MAP3K4: variants seen among roughly 807,000 people sequenced by gnomAD.
The protein encoded by MAP3K4 is MAP three kinase 1.
MAP3K4 carries 67 observed loss-of-function variants against 185.6 expected under a neutral mutation model. That is an observed-to-expected ratio of 0.36 (90% CI 0.30 to 0.44). The LOEUF is 0.44. MAP3K4 is among the 20% of genes least tolerant of loss of function. The pLI, the probability that MAP3K4 is intolerant of heterozygous loss-of-function variation, is 1.00. For synonymous variants in MAP3K4, 702 were observed against 710.4 expected, an observed-to-expected ratio of 0.99 and a Z score of 0.19; for missense variants, 1,551 against 1,995.1, an observed-to-expected ratio of 0.78 and a Z score of 4.24.
In MAP3K4 at chr6:161,084,129, A is replaced by G. The variant is rs1583211297; in HGVS notation, c.2256-372A>G. ...AAAGCTAATTGTGGGGGAAATTTGT[A>G]AAAACAGTTGAATTTAAGGAATTCC... On this transcript the variant is annotated intron_variant, in intron 6 of 26. Coordinates refer to ENST00000392142, the MANE Select transcript of MAP3K4 (RefSeq NM_005922.4). This position sits in a 1 kb window ranked among gnomAD's most constrained non-coding sequence, Gnocchi z 4.6. Among the ~76,000 whole-genome samples the G allele has an allele frequency of 6.6e-6, 1 of 152,350 alleles. No homozygotes were observed. Among genetic ancestry groups the G allele is most frequent in the East Asian group, 1.9e-4 (1 of 5,184 alleles).
At chr6:161,058,416 C>T (rs1784336322) in intron 3 of MAP3K4, among the ~76,000 whole-genome samples, 1 of 152,134 alleles carries the variant, frequency 6.6e-6, no homozygotes, top group African/African-American at 2.4e-5. Flanking sequence ...CTTACTGGGC[C>T]TGTGTAGAAA....
At position 161,108,645 on chromosome 6, in the gene MAP3K4, C is replaced by A. The variant is rs553721429; in HGVS notation, c.4120-98C>A. 6.0e-5 allele frequency: 44 copies of A among 736,378 alleles called. No individual in the cohort carries two copies. The East Asian group carries it at 1.0e-3, about 18-fold the overall frequency. 45.6% of individuals were successfully genotyped at this position (736,378 alleles called of 1,614,324 possible). On this transcript the variant is annotated intron_variant, in intron 21 of 26. Coordinates refer to ENST00000392142, the MANE Select transcript of MAP3K4 (RefSeq NM_005922.4). This position sits in a 1 kb window ranked among gnomAD's most constrained non-coding sequence, Gnocchi z 5.7. ...GTTTTTAATTGACAAATCATGATTACATATATTTATGGGGTGCAAAATGAT... is the reference window on the plus strand; with the variant it reads ...GTTTTTAATTGACAAATCATGATTAAATATATTTATGGGGTGCAAAATGAT...
intron 1 of MAP3K4, among the ~76,000 whole-genome samples, chr6:161,029,463 G>A (rs1782821338): frequency 6.6e-6 from 1 of 152,114 alleles, no homozygotes. Context: ...ACTCCCTTGG[G>A]TTGAGTTCAA....
At chr6:161,039,872 T>C (rs888440667) in intron 2 of MAP3K4, among the ~76,000 whole-genome samples, 12 of 152,180 alleles carry the variant, frequency 7.9e-5, no homozygotes, top group African/African-American at 2.9e-4. Context: ...AAGTAAGGTA[T>C]TGTTTGGATC....
intron 2 of MAP3K4, among the ~76,000 whole-genome samples, chr6:161,045,407 C>T (rs1228775071): frequency 1.3e-5 from 2 of 152,124 alleles, no homozygotes; most frequent in Non-Finnish European, 2.9e-5. Flanking sequence ...TGTATTTAAC[C>T]TATAAAAGTT....
In MAP3K4 at chr6:161,053,255, G is replaced by C. The variant is rs566142867; in HGVS notation, c.1707+3276G>C. Reference sequence around the variant, plus strand: ...ATTCTTTTAAACAACCAGATCTCTTGACAGCTCACTCACCATCATGAGAAC... The same window carrying C: ...ATTCTTTTAAACAACCAGATCTCTTCACAGCTCACTCACCATCATGAGAAC... On this transcript the variant is annotated intron_variant, in intron 3 of 26. Transcript: ENST00000392142. This position sits in a 1 kb window ranked among gnomAD's most constrained non-coding sequence, Gnocchi z 4.2. Among the ~76,000 whole-genome samples, 1 of 152,142 alleles carries C rather than the reference G, an allele frequency of 6.6e-6. No individual in the cohort carries two copies. Among genetic ancestry groups the C allele is most frequent in the East Asian group, 1.9e-4 (1 of 5,170 alleles).
rs1010746941 is a variant in MAP3K4, at chr6:161,108,287, T to G, written c.4119+318T>G. 6.6e-6 allele frequency among the ~76,000 whole-genome samples: 1 copy of G among 152,100 alleles called. No individual in the cohort carries two copies. Among genetic ancestry groups the G allele is most frequent in the African/African-American group, 2.4e-5 (1 of 41,430 alleles). On this transcript the variant is annotated intron_variant, in intron 21 of 26. Transcript: ENST00000392142. The surrounding 1 kb of genome is among the most constrained non-coding windows in gnomAD (Gnocchi z 5.7). ...ACAGTAGTGTCTTATGGGGACACAT[T>G]GGGGGAGAAGATAACATTTATGATA...
At chr6:161,052,450 A>G (rs1228229112) in intron 3 of MAP3K4, among the ~76,000 whole-genome samples, 3 of 152,192 alleles carry the variant, frequency 2.0e-5, no homozygotes, top group African/African-American at 7.2e-5. Flanking sequence ...TTTATAAGGT[A>G]TATAACTGAA....
intron 3 of MAP3K4, among the ~76,000 whole-genome samples, chr6:161,065,937 CA>C (rs34648628): frequency 0.043 from 3,415 of 78,778 alleles, 111 homozygotes; most frequent in African/African-American, 0.15. Context: ...GACTCCGTCT[CA>C]AAAAAAAAAA....
intron 1 of MAP3K4, among the ~76,000 whole-genome samples, chr6:160,993,035 A>T (rs539143106): frequency 1.3e-5 from 2 of 152,354 alleles, no homozygotes; most frequent in South Asian, 2.1e-4. Flanking sequence ...ATAAGGCAGT[A>T]AAGTGTCCTC....
At chr6:161,027,182 TAA>T (rs1189690168) in intron 1 of MAP3K4, among the ~76,000 whole-genome samples, 4 of 152,218 alleles carry the variant, frequency 2.6e-5, no homozygotes, top group Admixed American at 1.3e-4. Context: ...TGCGGATAGC[TAA>T]TAGTCTACTC....
At chr6:161,069,937 G>A (rs1004477417) in intron 3 of MAP3K4, among the ~76,000 whole-genome samples, 2 of 152,064 alleles carry the variant, frequency 1.3e-5, no homozygotes, top group African/African-American at 4.8e-5. Flanking sequence ...CCTACTTTAT[G>A]GGGAAAGGTG....
chr6:161,021,736 G>A (rs1386931824), intron 1 of MAP3K4, among the ~76,000 whole-genome samples: 2 of 152,222 alleles, frequency 1.3e-5, no homozygotes, highest in Admixed American at 1.3e-4. Context: ...GGCAGGAACA[G>A]TAATGTGTTT....
At position 161,077,876 on chromosome 6, in the gene MAP3K4, T is replaced by A. The variant is rs75702917; in HGVS notation, c.2098-3005T>A. Among the ~76,000 whole-genome samples, 8,163 of 151,938 alleles carry A rather than the reference T, an allele frequency of 0.054. 347 individuals carry two copies. The highest frequency in any genetic ancestry group is 0.23 in the East Asian group (1,183 of 5,138). ...CTAAGGGAAAGAGATGGGAAAAAAA[T>A]ATATATATGTATTAATATGTATATA... On this transcript the variant is annotated intron_variant, in intron 5 of 26. Transcript: ENST00000392142. The surrounding 1 kb of genome is among the most constrained non-coding windows in gnomAD (Gnocchi z 4.3).
intron 5 of MAP3K4, among the ~76,000 whole-genome samples, chr6:161,078,244 T>C (rs1403360062): frequency 1.3e-5 from 2 of 152,144 alleles, no homozygotes; most frequent in Non-Finnish European, 2.9e-5. Flanking sequence ...GGCTGGTGAT[T>C]ATGACTAGTC....
rs1314569434 is a variant in MAP3K4, at chr6:161,073,799, G to C, written c.2097+187G>C. Among the ~76,000 whole-genome samples, 1 of 152,096 alleles carries C rather than the reference G, an allele frequency of 6.6e-6. No individual in the cohort carries two copies. Among genetic ancestry groups the C allele is most frequent in the Non-Finnish European group, 1.5e-5 (1 of 68,004 alleles). The stretch of plus-strand genomic sequence containing the variant: ...GTGTGTATTGCGGAGGGCGGTGGTG[G>C]TGATCTTGAATCAGAGTCTTTCCAT... On this transcript the variant is annotated intron_variant, in intron 5 of 26. Transcript: ENST00000392142. This position sits in a 1 kb window ranked among gnomAD's most constrained non-coding sequence, Gnocchi z 4.2.
chr6:161,085,671 A>G (rs895280214), intron 7 of MAP3K4, among the ~76,000 whole-genome samples: 1 of 152,238 alleles, frequency 6.6e-6, no homozygotes, highest in African/African-American at 2.4e-5. Flanking sequence ...AAAATATTGA[A>G]TAGCTGAGAA....
At chr6:161,089,091 A>G (rs1271737315) in intron 10 of MAP3K4, among the ~76,000 whole-genome samples, 1 of 152,182 alleles carries the variant, frequency 6.6e-6, no homozygotes, top group African/African-American at 2.4e-5. Flanking sequence ...CAAAGATGTC[A>G]TGCCTGCAGT....
intron 1 of MAP3K4, among the ~76,000 whole-genome samples, chr6:161,004,536 G>A (rs995674689): frequency 2.6e-5 from 4 of 151,908 alleles, no homozygotes; most frequent in South Asian, 2.1e-4. Context: ...TGATTGTTTC[G>A]GGGACCACCA....
Sources: gnomAD v4.1 joint callset for allele counts (sites outside exome capture counted in the v4.1 genomes callset) on GRCh38, gnomAD v4.1.1 for gene constraint, Gnocchi (gnomAD v3.1) non-coding constraint, MANE v1.5 for transcripts, NCBI Gene and HGNC (gene_info 2026-07-23, HGNC 2026-07-21) for gene names.